NBAS: variants seen among roughly 807,000 people sequenced by gnomAD.
NBAS encodes NBAS subunit of NRZ tethering complex.
NBAS carries 219 observed loss-of-function variants against 302.5 expected under a neutral mutation model. That is an observed-to-expected ratio of 0.72 (90% confidence interval 0.65 to 0.81). The LOEUF (loss-of-function observed/expected upper bound fraction) is 0.81, where lower values mean the gene tolerates loss of function less well. Among genes scored for constraint, NBAS ranks in the 30% least tolerant of loss-of-function variants. The pLI, the probability that NBAS is intolerant of heterozygous loss-of-function variation, is 0.00. For missense variants in NBAS, 2,932 were observed against 2,841.6 expected (o/e 1.03, Z -0.72); for synonymous variants, 1,118 against 1,021.6 (o/e 1.09, Z -1.80).
chr2:15,347,757 G>A (rs1468898894), intron 35 of NBAS, among the ~76,000 whole-genome samples: 1 of 152,142 alleles, frequency 6.6e-6, no homozygotes, highest in Non-Finnish European at 1.5e-5. Flanking sequence ...GTAGAATACT[G>A]TTCCATCTAA....
chr2:15,159,591 C>A, the NBAS span, among the ~76,000 whole-genome samples: 1 of 137,382 alleles, frequency 7.3e-6, no homozygotes. Flanking sequence ...GAGATGGTAG[C>A]ATGGTGGTTA....
the NBAS span, among the ~76,000 whole-genome samples, chr2:15,068,228 A>G: frequency 2.0e-5 from 3 of 152,196 alleles, no homozygotes; most frequent in African/African-American, 7.2e-5. Flanking sequence ...AACTTGAAAC[A>G]TCTACTTACC....
the NBAS span, among the ~76,000 whole-genome samples, chr2:14,962,697 T>C: frequency 0.39 from 59,840 of 152,112 alleles, 14,096 homozygotes; most frequent in East Asian, 0.62. Context: ...TAACCATCTC[T>C]AGCACAATGA....
intron 41 of NBAS, among the ~76,000 whole-genome samples, chr2:15,288,235 T>C (rs1054782703): frequency 6.6e-6 from 1 of 152,210 alleles, no homozygotes; most frequent in African/African-American, 2.4e-5. Flanking sequence ...CCTTAGGAAC[T>C]AAAAACAAAC....
intron 45 of NBAS, among the ~76,000 whole-genome samples, chr2:15,235,130 C>T (rs986369565): frequency 6.6e-6 from 1 of 152,174 alleles, no homozygotes; most frequent in African/African-American, 2.4e-5. Flanking sequence ...TTATTACTAA[C>T]GCACTACGAC....
the NBAS span, chr2:14,886,815 G>T: frequency 3.3e-5 from 5 of 152,184 alleles, no homozygotes; most frequent in Admixed American, 6.5e-5. Flanking sequence ...TTGGGTAAAT[G>T]CATATCAACA....
At chr2:14,963,249 C>CA in the NBAS span, among the ~76,000 whole-genome samples, 1 of 152,054 alleles carries the variant, frequency 6.6e-6, no homozygotes. Flanking sequence ...GCCTGGGTGA[C>CA]AGAGTGAGAC....
chr2:15,273,629 A>T (rs1272808577), intron 44 of NBAS, among the ~76,000 whole-genome samples: 1 of 152,226 alleles, frequency 6.6e-6, no homozygotes, highest in East Asian at 1.9e-4. Flanking sequence ...CAGATTACTC[A>T]GCCACAACCT....
At chr2:14,796,920 A>AG in the NBAS span, among the ~76,000 whole-genome samples, 11 of 34,652 alleles carry the variant, frequency 3.2e-4, no homozygotes, top group African/African-American at 3.2e-3. Flanking sequence ...TAAAAAATAC[A>AG]AAAAAAAAAA....
chr2:15,508,784 A>G (rs1423455454), intron 10 of NBAS, among the ~76,000 whole-genome samples: 1 of 152,090 alleles, frequency 6.6e-6, no homozygotes, highest in East Asian at 1.9e-4. Context: ...CGAGCGGATC[A>G]CCTAAGGTCA....
the NBAS span, among the ~76,000 whole-genome samples, chr2:14,807,073 G>A: frequency 2.4e-3 from 365 of 152,242 alleles, no homozygotes; most frequent in African/African-American, 8.0e-3. Flanking sequence ...GAGGTAATTT[G>A]CATGGTTCTT....
chr2:15,275,297 T>C lies in NBAS; in HGVS notation c.5724+187A>G, dbSNP rs78096462. On this transcript the variant is annotated intron_variant, in intron 44 of 51. Transcript: ENST00000281513. Reference sequence around the variant, plus strand: ...ATCTCTATTTTAGCATATTTGTACATCTACAATAGAGAAAAAAAATTTCCT... The same window carrying C: ...ATCTCTATTTTAGCATATTTGTACACCTACAATAGAGAAAAAAAATTTCCT... 4.6e-3 allele frequency among the ~76,000 whole-genome samples: 707 copies of C among 152,198 alleles called. 3 individuals carry two copies. Among genetic ancestry groups the C allele is most frequent in the African/African-American group, 0.015 (610 of 41,520 alleles).
chr2:15,274,926 A>G (rs1195055601), intron 44 of NBAS, among the ~76,000 whole-genome samples: 3 of 150,166 alleles, frequency 2.0e-5, no homozygotes, highest in Non-Finnish European at 4.4e-5. Flanking sequence ...CACCACACCC[A>G]GGTAATTTTT....
chr2:15,031,099 A>C, the NBAS span, among the ~76,000 whole-genome samples: 1 of 152,246 alleles, frequency 6.6e-6, no homozygotes, highest in Non-Finnish European at 1.5e-5. Flanking sequence ...AAGTGTTTTT[A>C]CAGAATGTAT....
chr2:14,950,882 G>A, the NBAS span, among the ~76,000 whole-genome samples: 2 of 152,156 alleles, frequency 1.3e-5, no homozygotes, highest in African/African-American at 4.8e-5. Context: ...ATTTTATTAA[G>A]CATGGAGAAT....
intron 24 of NBAS, among the ~76,000 whole-genome samples, chr2:15,416,217 G>C (rs567281241): frequency 4.6e-5 from 7 of 152,220 alleles, no homozygotes; most frequent in Admixed American, 3.3e-4. Context: ...TTCTAAAATA[G>C]GGGCCTCTAG....
At chr2:14,913,023 C>T in the NBAS span, among the ~76,000 whole-genome samples, 1 of 152,132 alleles carries the variant, frequency 6.6e-6, no homozygotes, top group Non-Finnish European at 1.5e-5. Context: ...GTTGAAAGAA[C>T]ATTAAACCTT....
intron 21 of NBAS, among the ~76,000 whole-genome samples, chr2:15,437,410 G>C (rs970251127): frequency 5.3e-5 from 8 of 152,152 alleles, no homozygotes; most frequent in Non-Finnish European, 1.0e-4. Context: ...TGCTGCACAA[G>C]TCTATGTGAG....
At chr2:15,309,905 A>G (rs1432222794) in intron 38 of NBAS, among the ~76,000 whole-genome samples, 3 of 152,224 alleles carry the variant, frequency 2.0e-5, no homozygotes, top group African/African-American at 7.2e-5. Flanking sequence ...GTTTGTACAC[A>G]GCTTGTTTCA....
Sources: gnomAD v4.1 joint callset for allele counts (sites outside exome capture counted in the v4.1 genomes callset) on GRCh38, gnomAD v4.1.1 for gene constraint, MANE v1.5 for transcripts, NCBI Gene and HGNC (gene_info 2026-07-23, HGNC 2026-07-21) for gene names.